EIF3K: variants seen among roughly 807,000 people sequenced by gnomAD.
EIF3K encodes eukaryotic translation initiation factor 3 subunit K, also known as eIF-3 p28.
A neutral mutation model predicts 34.2 loss-of-function variants in EIF3K; 27 were observed. The ratio of observed to expected loss-of-function variants is 0.79; its 90% CI spans 0.58 to 1.09. EIF3K has a LOEUF of 1.09. EIF3K is among the 50% of genes least tolerant of loss of function. EIF3K has a pLI of 0.00. For missense variants in EIF3K, 232 were observed against 275.4 expected (o/e 0.84, Z 1.11); for synonymous variants, 105 against 105.7 (o/e 0.99, Z 0.04).
chr19:38,623,020 C>T (rs1482321107), intron 2 of EIF3K, among the ~76,000 whole-genome samples: 1 of 152,096 alleles, frequency 6.6e-6, no homozygotes, highest in African/African-American at 2.4e-5. Context: ...TTGTAGTTAA[C>T]GCAATTATTA....
In EIF3K at chr19:38,634,742, G is replaced by C. The variant is rs908136565; in HGVS notation, c.500-251G>C. Among the ~76,000 whole-genome samples the C allele has an allele frequency of 2.6e-5, 4 of 152,298 alleles. No homozygotes were observed. In the East Asian group the frequency reaches 7.7e-4, roughly 29 times the overall value. On this transcript the variant is annotated intron_variant, in intron 6 of 7. Transcript: ENST00000248342. ...CCCAGGGAGAGAAAACAGAGGAATA[G>C]AAATTAAGGCAGAAGCCCCACGATG...
intron 6 of EIF3K, 22 bp downstream of exon 6, chr19:38,632,700 T>C: frequency 6.3e-7 from 1 of 1,599,906 alleles, no homozygotes; most frequent in Non-Finnish European, 8.5e-7. Context: ...TGGGTCCTGG[T>C]GCACATCTGG....
chr19:38,620,772 T>C (rs1177399773), intron 2 of EIF3K, among the ~76,000 whole-genome samples: 1 of 152,042 alleles, frequency 6.6e-6, no homozygotes, highest in Non-Finnish European at 1.5e-5. Context: ...CACATGCCTG[T>C]AATCCCAGCT....
At chr19:38,623,873 G>A (rs1431539646) in intron 2 of EIF3K, among the ~76,000 whole-genome samples, 1 of 152,214 alleles carries the variant, frequency 6.6e-6, no homozygotes, top group Non-Finnish European at 1.5e-5. Flanking sequence ...TTGGGTAGTT[G>A]TGAGCATTAA....
intron 4 of EIF3K, chr19:38,632,192 G>A (rs898327927): frequency 1.0e-5 from 5 of 494,886 alleles, no homozygotes; most frequent in Non-Finnish European, 1.8e-5. Context: ...AGCGTGGGCA[G>A]ATCACTTGAG....
At chr19:38,621,415 A>G (rs1382972141) in intron 2 of EIF3K, among the ~76,000 whole-genome samples, 2 of 152,186 alleles carry the variant, frequency 1.3e-5, no homozygotes, top group African/African-American at 4.8e-5. Context: ...CCTGTCTCAA[A>G]AATAAATAAA....
At chr19:38,627,076 T>C (rs1216416054) in intron 4 of EIF3K, among the ~76,000 whole-genome samples, 1 of 152,158 alleles carries the variant, frequency 6.6e-6, no homozygotes, top group Admixed American at 6.6e-5. Flanking sequence ...AACTGCCGCC[T>C]CCCGAGTTCA....
chr19:38,619,881 C>G (rs1168056754), intron 1 of EIF3K, among the ~76,000 whole-genome samples: 1 of 152,188 alleles, frequency 6.6e-6, no homozygotes, highest in African/African-American at 2.4e-5. Flanking sequence ...TGACAGCAGA[C>G]AGCGATAGCC....
chr19:38,633,162 G>T (rs917771960), intron 6 of EIF3K, among the ~76,000 whole-genome samples: 1 of 152,094 alleles, frequency 6.6e-6, no homozygotes, highest in African/African-American at 2.4e-5. Flanking sequence ...GGTGTATGTG[G>T]CCAGAGCAGA....
intron 4 of EIF3K, among the ~76,000 whole-genome samples, chr19:38,631,301 G>C (rs916608671): frequency 6.6e-6 from 1 of 152,172 alleles, no homozygotes; most frequent in African/African-American, 2.4e-5. Context: ...AGTTCCCTTA[G>C]TATTTATTGA....
chr19:38,636,010 TG>T (rs1249267443), intron 7 of EIF3K, among the ~76,000 whole-genome samples: 1 of 152,218 alleles, frequency 6.6e-6, no homozygotes, highest in African/African-American at 2.4e-5. Flanking sequence ...TGTACTTAAC[TG>T]GGGAACAGCA....
At chr19:38,630,406 A>G (rs550156509) in intron 4 of EIF3K, among the ~76,000 whole-genome samples, 1 of 148,106 alleles carries the variant, frequency 6.8e-6, no homozygotes, top group South Asian at 2.2e-4. Context: ...GTTCAGTGGC[A>G]CAATCTCAGC....
intron 4 of EIF3K, among the ~76,000 whole-genome samples, chr19:38,629,094 C>T (rs1396807099): frequency 6.6e-6 from 1 of 151,692 alleles, no homozygotes; most frequent in Admixed American, 6.6e-5. Context: ...ATTTTTTATT[C>T]AAGTAAGAAA....
intron 7 of EIF3K, among the ~76,000 whole-genome samples, chr19:38,636,142 G>T (rs539206350): frequency 2.0e-5 from 3 of 152,338 alleles, no homozygotes; most frequent in Admixed American, 6.5e-5. Flanking sequence ...TGAGGAAAGG[G>T]CCTCCTTTCT....
intron 1 of EIF3K, among the ~76,000 whole-genome samples, 155 bp downstream of exon 1, chr19:38,619,482 C>T (rs991090373): frequency 1.3e-5 from 2 of 152,116 alleles, no homozygotes; most frequent in African/African-American, 4.8e-5. Flanking sequence ...CGGCACTGAG[C>T]TGGGGGTAGT....
Position 38,636,852 on chromosome 19 carries a change from C to T in EIF3K, c.626-37C>T, listed in dbSNP as rs1976202837. 7 of 1,614,064 alleles carry T rather than the reference C, an allele frequency of 4.3e-6. 1 individual carries two copies. The African/African-American group carries it at 8.0e-5, about 18-fold the overall frequency. On this transcript the variant is annotated intron_variant, in intron 7 of 7. Transcript: ENST00000248342. ...AGGTGGCTGGAGGTTTGTCTCCCGC[C>T]CTTCTCACCTTCAGTCTGGTCTCTC...
chr19:38,633,706 TAAGG>T (rs1976122580), intron 6 of EIF3K, among the ~76,000 whole-genome samples: 1 of 147,078 alleles, frequency 6.8e-6, no homozygotes, highest in Non-Finnish European at 1.5e-5. Flanking sequence ...AAAAAGAAAC[TAAGG>T]AAGGCCACGT....
intron 4 of EIF3K, among the ~76,000 whole-genome samples, chr19:38,630,377 C>T (rs1476348234): frequency 3.4e-5 from 5 of 147,966 alleles, no homozygotes; most frequent in Non-Finnish European, 5.9e-5. Flanking sequence ...TGGAGTCTCG[C>T]GCTGTCGCCC....
At position 38,620,145 on chromosome 19, in the gene EIF3K, A is replaced by G. The variant is rs571246609; in HGVS notation, c.60-192A>G. Among the ~76,000 whole-genome samples, 341 of 152,272 alleles carry G rather than the reference A, an allele frequency of 2.2e-3. 7 individuals carry two copies. Among genetic ancestry groups the G allele is most frequent in the Non-Finnish European group, 6.8e-4 (46 of 68,008 alleles). ...CAGTGGAGTTTAGAGCTTAGGCGAG[A>G]GGTCTGGGATAAGAATAAGTTTTAC... On this transcript the variant is annotated intron_variant, in intron 1 of 7. Transcript: ENST00000248342.
Sources: gnomAD v4.1 joint callset for allele counts (sites outside exome capture counted in the v4.1 genomes callset) on GRCh38, gnomAD v4.1.1 for gene constraint, MANE v1.5 for transcripts, NCBI Gene and HGNC (gene_info 2026-07-23, HGNC 2026-07-21) for gene names.